PPFIA2: variants seen among roughly 807,000 people sequenced by gnomAD.
PPFIA2 encodes the protein liprin-alpha-2.
In PPFIA2, 46 loss-of-function variants were observed where a neutral mutation model predicts 175.5. That is an observed-to-expected ratio of 0.26 (90% CI 0.21 to 0.34). PPFIA2 has a LOEUF of 0.34. PPFIA2 is among the 10% of genes least tolerant of loss of function. The pLI is 1.00. For missense variants in PPFIA2, 1,179 were observed against 1,506.1 expected (o/e 0.78, Z 3.60); for synonymous variants, 568 against 511.4 (o/e 1.11, Z -1.49).
At chr12:81,563,527 C>A (rs2070647948) in intron 4 of PPFIA2, among the ~76,000 whole-genome samples, 1 of 152,116 alleles carries the variant, frequency 6.6e-6, no homozygotes, top group Non-Finnish European at 1.5e-5. Flanking sequence ...ATCCAAAATC[C>A]TCTTCTTAGT....
At chr12:81,606,220 T>C (rs143430205) in intron 4 of PPFIA2, among the ~76,000 whole-genome samples, 1,637 of 152,136 alleles carry the variant, frequency 0.011, 33 homozygotes, top group African/African-American at 0.033. Context: ...CAGTCCACCA[T>C]TGATGGGCAC....
At chr12:81,466,113 G>A (rs2055574935) in intron 4 of PPFIA2, among the ~76,000 whole-genome samples, 1 of 152,120 alleles carries the variant, frequency 6.6e-6, no homozygotes, top group Non-Finnish European at 1.5e-5. Context: ...CTAATGTAAT[G>A]TGACAGGCAC....
At chr12:81,646,736 G>A (rs532803088) in intron 4 of PPFIA2, among the ~76,000 whole-genome samples, 1 of 152,228 alleles carries the variant, frequency 6.6e-6, no homozygotes, top group South Asian at 2.1e-4. Context: ...ACTACTTTCT[G>A]CTAACTCAAA....
chr12:81,531,527 A>G lies in PPFIA2; in HGVS notation c.304-73661T>C, dbSNP rs993646634. Among the ~76,000 whole-genome samples the G allele has an allele frequency of 1.2e-4, 18 of 151,774 alleles. No individual in the cohort carries two copies. The Admixed American group carries it at 1.2e-3, about 10-fold the overall frequency. The stretch of plus-strand genomic sequence containing the variant: ...ATCCCCTAGGCTATAAATAGATCAC[A>G]TTTAGTCAACTTACAAAGGACAAAA... On this transcript the variant is annotated intron_variant, in intron 4 of 32. Coordinates refer to ENST00000549396, the MANE Select transcript of PPFIA2 (RefSeq NM_003625.5).
chr12:81,756,536 A>G (rs1448881488), intron 2 of PPFIA2, among the ~76,000 whole-genome samples: 1 of 152,082 alleles, frequency 6.6e-6, no homozygotes, highest in Non-Finnish European at 1.5e-5. Flanking sequence ...TTAGGGACTT[A>G]GAAAGTCTAT....
At chr12:81,447,364 G>T (rs187810234) in intron 5 of PPFIA2, among the ~76,000 whole-genome samples, 6 of 151,960 alleles carry the variant, frequency 3.9e-5, no homozygotes, top group African/African-American at 1.2e-4. Context: ...TCAATCTTTC[G>T]CTGGCAAACT....
At chr12:81,264,956 A>G (rs2136198513) in intron 30 of PPFIA2, among the ~76,000 whole-genome samples, 1 of 152,304 alleles carries the variant, frequency 6.6e-6, no homozygotes, top group East Asian at 1.9e-4. Flanking sequence ...TACACTGTAG[A>G]GCTACACAAC....
At chr12:81,385,468 A>G (rs2038715595) in intron 8 of PPFIA2, among the ~76,000 whole-genome samples, 1 of 152,192 alleles carries the variant, frequency 6.6e-6, no homozygotes, top group African/African-American at 2.4e-5. Flanking sequence ...GTGTCTATCA[A>G]CGGATGAATG....
chr12:81,293,234 A>C (rs1419627788), intron 24 of PPFIA2, among the ~76,000 whole-genome samples: 1 of 151,976 alleles, frequency 6.6e-6, no homozygotes, highest in Non-Finnish European at 1.5e-5. Context: ...TAAACAAAAT[A>C]TATAATTTAG....
chr12:81,756,904 T>G (rs566157262), intron 2 of PPFIA2, among the ~76,000 whole-genome samples: 27 of 152,176 alleles, frequency 1.8e-4, no homozygotes, highest in African/African-American at 6.0e-4. Context: ...TATGCAAAAT[T>G]TACTTAGGAA....
At chr12:81,483,230 CAT>C (rs761032237) in intron 4 of PPFIA2, among the ~76,000 whole-genome samples, 5 of 152,028 alleles carry the variant, frequency 3.3e-5, no homozygotes, top group South Asian at 2.1e-4. Flanking sequence ...AATGAAAACA[CAT>C]GTCTATAAAA....
chr12:81,705,456 C>CA (rs58602688), intron 3 of PPFIA2, among the ~76,000 whole-genome samples: 2,369 of 55,158 alleles, frequency 0.043, 44 homozygotes, highest in East Asian at 0.16. Flanking sequence ...GACTAGGTCT[C>CA]AAAAAAAAAA....
At chr12:81,586,799 C>T (rs184389569) in intron 4 of PPFIA2, among the ~76,000 whole-genome samples, 45 of 151,766 alleles carry the variant, frequency 3.0e-4, no homozygotes, top group Non-Finnish European at 3.8e-4. Context: ...TAAAGTAGTG[C>T]CTGTGCTCAC....
chr12:81,417,531 T>C lies in PPFIA2; in HGVS notation c.646-11628A>G, dbSNP rs184030782. ...CAGAAACAATATTCATTAATCAATC[T>C]TGCATATAACAAAGCAAGCTAGGGC... On this transcript the variant is annotated intron_variant, in intron 7 of 32. Coordinates refer to ENST00000549396, the MANE Select transcript of PPFIA2 (RefSeq NM_003625.5). 5.7e-4 allele frequency among the ~76,000 whole-genome samples: 86 copies of C among 151,774 alleles called. 1 individual carries two copies. The highest frequency in any genetic ancestry group is 2.0e-3 in the African/African-American group (85 of 41,508).
intron 7 of PPFIA2, 115 bp downstream of exon 7, chr12:81,439,857 A>G: frequency 2.2e-6 from 2 of 901,792 alleles, no homozygotes; most frequent in South Asian, 1.6e-5. Flanking sequence ...GTTCAATGGC[A>G]TAGACAGAAT....
At chr12:81,320,074 A>G (rs1249948409) in intron 22 of PPFIA2, among the ~76,000 whole-genome samples, 1 of 152,014 alleles carries the variant, frequency 6.6e-6, no homozygotes, top group Non-Finnish European at 1.5e-5. Flanking sequence ...GCATATAGGC[A>G]CTTAACGAAT....
intron 4 of PPFIA2, among the ~76,000 whole-genome samples, chr12:81,656,934 T>A (rs2067880866): frequency 6.6e-6 from 1 of 152,160 alleles, no homozygotes; most frequent in Non-Finnish European, 1.5e-5. Flanking sequence ...TCAACATAGA[T>A]TTTAATTGTA....
intron 30 of PPFIA2, among the ~76,000 whole-genome samples, chr12:81,265,558 G>A (rs1384827267): frequency 6.6e-6 from 1 of 152,030 alleles, no homozygotes; most frequent in Admixed American, 6.6e-5. Flanking sequence ...GTCCACTACT[G>A]TTCTAAGTAA....
At chr12:81,632,130 G>C (rs2063463581) in intron 4 of PPFIA2, among the ~76,000 whole-genome samples, 1 of 152,058 alleles carries the variant, frequency 6.6e-6, no homozygotes, top group African/African-American at 2.4e-5. Context: ...AACAGAAAAT[G>C]CAGAAGTGAG....
Sources: allele counts gnomAD v4.1 joint callset (sites outside exome capture counted in the v4.1 genomes callset), GRCh38; gene constraint gnomAD v4.1.1; transcripts MANE v1.5; gene names NCBI Gene and HGNC (gene_info 2026-07-23, HGNC 2026-07-21).